The following SNX9 variants were observed in gnomAD, a reference collection of about 807,000 sequenced individuals.
The protein encoded by SNX9 is sorting nexin 9.
In SNX9, 44 loss-of-function variants were observed where a neutral mutation model predicts 89.4. That is an observed-to-expected ratio of 0.49 (90% confidence interval 0.39 to 0.63). The LOEUF (loss-of-function observed/expected upper bound fraction) is 0.63. Ranked by LOEUF, SNX9 falls within the 30% of genes least tolerant of loss-of-function variation. The pLI is 0.00. For synonymous variants in SNX9, 236 were observed against 247.8 expected, an observed-to-expected ratio of 0.95 and a Z score of 0.45; for missense variants, 578 against 736.1, an observed-to-expected ratio of 0.79 and a Z score of 2.49.
intron 4 of SNX9, among the ~76,000 whole-genome samples, chr6:157,893,065 T>C (rs1782897325): frequency 6.6e-6 from 1 of 152,208 alleles, no homozygotes; most frequent in African/African-American, 2.4e-5. Context: ...TTTCAAGTTC[T>C]TATTTGAAAA....
intron 14 of SNX9, among the ~76,000 whole-genome samples, chr6:157,937,191 A>G (rs935792513): frequency 6.6e-6 from 1 of 152,236 alleles, no homozygotes; most frequent in African/African-American, 2.4e-5. Context: ...CCACGTCAAA[A>G]TAACTAATTT....
chr6:157,871,773 C>CT lies in SNX9; in HGVS notation c.100-1309dup, dbSNP rs750179923. 9.2e-3 allele frequency among the ~76,000 whole-genome samples: 1,127 copies of CT among 122,162 alleles called. 13 individuals are homozygous for CT. The highest frequency in any genetic ancestry group is 0.015 in the South Asian group (57 of 3,794). 80.1% of individuals were successfully genotyped at this position (122,162 alleles called of 152,430 possible). On this transcript the variant is annotated intron_variant, in intron 2 of 17. Transcript: ENST00000392185. The stretch of plus-strand genomic sequence containing the variant: ...GAGATTAAAGATTCTTCAGTCTTAC[C>CT]TTTTTTTTTTTTTTTTTTTTGCAGA...
chr6:157,925,141 C>T (rs1452257236), intron 10 of SNX9, among the ~76,000 whole-genome samples: 1 of 152,028 alleles, frequency 6.6e-6, no homozygotes, highest in Non-Finnish European at 1.5e-5. Context: ...CAATGAAGGG[C>T]TAGATTTTAG....
intron 9 of SNX9, among the ~76,000 whole-genome samples, chr6:157,915,371 A>G (rs1397003144): frequency 6.6e-6 from 1 of 152,020 alleles, no homozygotes; most frequent in Non-Finnish European, 1.5e-5. Context: ...CTGTAGATCA[A>G]TTTTCACATC....
chr6:157,835,595 A>T (rs1295180331), intron 1 of SNX9, among the ~76,000 whole-genome samples: 1 of 151,818 alleles, frequency 6.6e-6, no homozygotes, highest in African/African-American at 2.4e-5. Flanking sequence ...CTTGAATTGT[A>T]ATCGCTGTAA....
At chr6:157,928,802 G>A in intron 12 of SNX9, 100 bp downstream of exon 12, 1 of 858,504 alleles carries the variant, frequency 1.2e-6, no homozygotes, top group South Asian at 2.0e-5. Context: ...TCGAACAGAA[G>A]TGTATTTGGT....
chr6:157,852,548 T>G (rs1037536306), intron 1 of SNX9, among the ~76,000 whole-genome samples: 3 of 151,952 alleles, frequency 2.0e-5, no homozygotes, highest in Non-Finnish European at 4.4e-5. Flanking sequence ...ACAGTAGACC[T>G]CTATTTCCCT....
At chr6:157,892,349 A>G (rs1782880952) in intron 4 of SNX9, among the ~76,000 whole-genome samples, 1 of 152,194 alleles carries the variant, frequency 6.6e-6, no homozygotes, top group Non-Finnish European at 1.5e-5. Context: ...GTAAAAGGCC[A>G]TCTGCTGAGG....
At chr6:157,935,423 CAG>C (rs1189476328) in intron 13 of SNX9, among the ~76,000 whole-genome samples, 1 of 152,028 alleles carries the variant, frequency 6.6e-6, no homozygotes, top group South Asian at 2.1e-4. Flanking sequence ...AACACAGGGA[CAG>C]GGGAGTGTGT....
chr6:157,882,235 A>G (rs1318430199), intron 4 of SNX9, among the ~76,000 whole-genome samples: 1 of 152,208 alleles, frequency 6.6e-6, no homozygotes, highest in African/African-American at 2.4e-5. Flanking sequence ...ATGACAGCAC[A>G]TCTGTTTGCA....
intron 4 of SNX9, among the ~76,000 whole-genome samples, chr6:157,876,931 GC>G (rs1782532908): frequency 6.6e-6 from 1 of 152,238 alleles, no homozygotes; most frequent in Non-Finnish European, 1.5e-5. Flanking sequence ...GCAAAGCCAA[GC>G]CAGTTGAGAT....
intron 1 of SNX9, among the ~76,000 whole-genome samples, chr6:157,826,281 G>A (rs1463983581): frequency 2.6e-5 from 4 of 151,962 alleles, no homozygotes; most frequent in African/African-American, 9.7e-5. Flanking sequence ...GGCGGATCAC[G>A]AGGTCGGGAG....
At chr6:157,941,907 C>T (rs1361417320) in intron 17 of SNX9, among the ~76,000 whole-genome samples, 1 of 152,212 alleles carries the variant, frequency 6.6e-6, no homozygotes, top group Non-Finnish European at 1.5e-5. Context: ...TCTTTAAATG[C>T]ACACTTTTCC....
intron 1 of SNX9, among the ~76,000 whole-genome samples, chr6:157,826,643 T>TTA (rs1781350350): frequency 2.7e-5 from 4 of 145,552 alleles, no homozygotes; most frequent in African/African-American, 8.2e-5. Flanking sequence ...AAGTCTTGTT[T>TTA]TACAAATATT....
chr6:157,928,579 A>T lies in SNX9; in HGVS notation c.1185-20A>T, dbSNP rs775237247. 1 of 1,583,940 alleles carries T rather than the reference A, an allele frequency of 6.3e-7. No individual in the cohort carries two copies. The highest frequency in any genetic ancestry group is 8.6e-7 in the Non-Finnish European group (1 of 1,164,332). On this transcript the variant is annotated intron_variant, in intron 11 of 17. Transcript: ENST00000392185. ...GCTGTTTCTCCTGCTTATGTGACTG[A>T]CGGCCGCCTTCACCCACAGAGAGCA... is the stretch of plus-strand genomic sequence containing the variant.
chr6:157,897,267 C>T (rs1782999495), intron 5 of SNX9, among the ~76,000 whole-genome samples: 1 of 152,098 alleles, frequency 6.6e-6, no homozygotes, highest in African/African-American at 2.4e-5. Context: ...TCTGCTGGAG[C>T]GGCTCACAGA....
intron 1 of SNX9, among the ~76,000 whole-genome samples, chr6:157,863,844 C>A (rs1047143033): frequency 2.0e-5 from 3 of 152,092 alleles, no homozygotes; most frequent in African/African-American, 7.2e-5. Context: ...CATCTCTAGG[C>A]TGAATGGTCA....
intron 2 of SNX9, among the ~76,000 whole-genome samples, chr6:157,868,018 A>G (rs1358805820): frequency 6.6e-6 from 1 of 152,198 alleles, no homozygotes; most frequent in East Asian, 1.9e-4. Context: ...TAGCATGATA[A>G]TACTGTATCT....
At chr6:157,855,914 T>G (rs1013741083) in intron 1 of SNX9, among the ~76,000 whole-genome samples, 4 of 152,110 alleles carry the variant, frequency 2.6e-5, no homozygotes, top group Non-Finnish European at 4.4e-5. Context: ...TATTTTTTTG[T>G]TTTTTTGTAT....
Sources: allele counts gnomAD v4.1 joint callset (sites outside exome capture counted in the v4.1 genomes callset), GRCh38; gene constraint gnomAD v4.1.1; transcripts MANE v1.5; gene names NCBI Gene and HGNC (gene_info 2026-07-23, HGNC 2026-07-21).